Variants in CSMD1 observed in about 807,000 individuals in gnomAD.
CSMD1 encodes CUB and Sushi multiple domains 1.
Under a neutral mutation model 417.5 loss-of-function variants are expected in CSMD1, and 213 were observed. The observed-to-expected ratio is 0.51, with a 90% confidence interval of 0.46 to 0.57. The LOEUF is 0.57. Ranked by LOEUF, CSMD1 falls within the 20% of genes least tolerant of loss-of-function variation. The probability of loss-of-function intolerance (pLI) is 0.00; values close to 1 mark genes in which losing one functional copy is unlikely to be tolerated. For missense variants in CSMD1, 6,923 were observed against 4,529.7 expected (o/e 1.53, Z -15.17); for synonymous variants, 2,862 against 1,736.8 (o/e 1.65, Z -16.11).
At chr8:4,853,708 G>A (rs1055395013) in intron 1 of CSMD1, among the ~76,000 whole-genome samples, 26 of 152,134 alleles carry the variant, frequency 1.7e-4, no homozygotes, top group Non-Finnish European at 3.1e-4. Context: ...CTGAGGAATG[G>A]TAGATCTAAC....
chr8:3,190,493 G>A (rs35370137), intron 33 of CSMD1, among the ~76,000 whole-genome samples: 25,325 of 152,144 alleles, frequency 0.17, 2,257 homozygotes, highest in Middle Eastern at 0.22. Flanking sequence ...GTGATAATGA[G>A]ATGACTAACC....
At chr8:3,945,413 G>A (rs1019135499) in intron 5 of CSMD1, among the ~76,000 whole-genome samples, 2 of 151,898 alleles carry the variant, frequency 1.3e-5, no homozygotes, top group African/African-American at 4.8e-5. Flanking sequence ...CTTTTTTGGG[G>A]GGGCATATTA....
intron 5 of CSMD1, among the ~76,000 whole-genome samples, chr8:3,873,892 G>C (rs1805644206): frequency 6.6e-6 from 1 of 152,106 alleles, no homozygotes; most frequent in Non-Finnish European, 1.5e-5. Context: ...GGCTGAACTG[G>C]GGGAGGTCAC....
At chr8:3,193,244 G>A (rs896447481) in intron 33 of CSMD1, among the ~76,000 whole-genome samples, 1 of 152,178 alleles carries the variant, frequency 6.6e-6, no homozygotes, top group Non-Finnish European at 1.5e-5. Flanking sequence ...TTGTACACAA[G>A]TCACTATTAA....
At chr8:3,366,177 G>A (rs989014641) in intron 20 of CSMD1, among the ~76,000 whole-genome samples, 2 of 152,192 alleles carry the variant, frequency 1.3e-5, no homozygotes, top group African/African-American at 2.4e-5. Context: ...ATGCACAAAT[G>A]CAAGTTAATA....
chr8:3,191,439 G>T (rs770070356), intron 33 of CSMD1, among the ~76,000 whole-genome samples: 21 of 152,122 alleles, frequency 1.4e-4, no homozygotes, highest in Admixed American at 1.4e-3. Flanking sequence ...CTGGGTGAAA[G>T]ATTGAGAAAA....
Position 4,774,449 on chromosome 8 carries a change from C to A in CSMD1, c.86-136891G>T, listed in dbSNP as rs565167658. The stretch of plus-strand genomic sequence containing the variant: ...ATTAATTATGGTAGTAAGTATACTC[C>A]TCTAACAATGCCATTTAGAGTAATA... On this transcript the variant is annotated intron_variant, in intron 1 of 69. Transcript: ENST00000635120. 2.0e-4 allele frequency among the ~76,000 whole-genome samples: 31 copies of A among 152,228 alleles called. No homozygotes were observed. The South Asian group carries it at 6.4e-3, about 32-fold the overall frequency.
intron 3 of CSMD1, among the ~76,000 whole-genome samples, chr8:4,321,006 A>G (rs1328749619): frequency 6.6e-6 from 1 of 152,066 alleles, no homozygotes; most frequent in Non-Finnish European, 1.5e-5. Flanking sequence ...TTCTCTGTAA[A>G]TTATTTATTT....
chr8:3,000,897 C>T (rs1020957147), intron 52 of CSMD1, among the ~76,000 whole-genome samples: 2 of 152,108 alleles, frequency 1.3e-5, no homozygotes, highest in African/African-American at 4.8e-5. Flanking sequence ...AAACAATTGA[C>T]AAACATGGCA....
chr8:4,020,477 G>C (rs942748310), intron 4 of CSMD1, among the ~76,000 whole-genome samples: 15 of 152,156 alleles, frequency 9.9e-5, no homozygotes, highest in African/African-American at 3.1e-4. Flanking sequence ...GTGACCGCTA[G>C]GGTCAGGCTG....
intron 3 of CSMD1, among the ~76,000 whole-genome samples, chr8:4,196,631 G>T (rs529836414): frequency 6.6e-6 from 1 of 151,982 alleles, no homozygotes; most frequent in African/African-American, 2.4e-5. Context: ...AGCAATGCTG[G>T]GTCCAGTCCT....
At chr8:4,110,158 C>G (rs1397344142) in intron 3 of CSMD1, among the ~76,000 whole-genome samples, 1 of 152,072 alleles carries the variant, frequency 6.6e-6, no homozygotes, top group Non-Finnish European at 1.5e-5. Context: ...ATATGCAAAT[C>G]TGCCATTTCA....
intron 26 of CSMD1, among the ~76,000 whole-genome samples, chr8:3,271,417 G>T (rs1239272768): frequency 1.3e-5 from 2 of 151,770 alleles, no homozygotes; most frequent in Non-Finnish European, 2.9e-5. Flanking sequence ...ATAGCAGCAT[G>T]ATTTATATTC....
At chr8:3,824,599 T>C (rs1397798014) in intron 5 of CSMD1, among the ~76,000 whole-genome samples, 1 of 152,200 alleles carries the variant, frequency 6.6e-6, no homozygotes, top group African/African-American at 2.4e-5. Flanking sequence ...AGGAAAAACA[T>C]ACGGTAAGAT....
At chr8:4,862,982 G>A (rs936695680) in intron 1 of CSMD1, among the ~76,000 whole-genome samples, 2 of 151,960 alleles carry the variant, frequency 1.3e-5, no homozygotes, top group African/African-American at 4.8e-5. Flanking sequence ...GCCCAAGAGG[G>A]AACCAGCAAA....
At chr8:4,710,912 T>C (rs7011651) in intron 1 of CSMD1, among the ~76,000 whole-genome samples, 2,051 of 151,638 alleles carry the variant, frequency 0.014, 43 homozygotes, top group African/African-American at 0.046. Flanking sequence ...AACTAGAAAA[T>C]GGCCTGAGTC....
At position 3,425,299 on chromosome 8, in the gene CSMD1, C is replaced by T. The variant is rs559938526; in HGVS notation, c.1562-15694G>A. ...GGGAAACTCCTGTATGTTGAAAATG[C>T]CCTGTCCCAGCTGGGCAAGGTGGCT... On this transcript the variant is annotated intron_variant, in intron 12 of 69. Transcript: ENST00000635120. Among the ~76,000 whole-genome samples the T allele has an allele frequency of 7.9e-5, 12 of 152,214 alleles. No individual in the cohort carries two copies. The South Asian group carries it at 2.3e-3, about 29-fold the overall frequency.
At chr8:3,388,655 C>T (rs1435648996) in intron 17 of CSMD1, among the ~76,000 whole-genome samples, 13 of 152,130 alleles carry the variant, frequency 8.5e-5, no homozygotes, top group Admixed American at 8.5e-4. Flanking sequence ...GGGCCTGGCC[C>T]CAATACTTTT....
At chr8:3,497,850 G>T (rs1302276896) in intron 10 of CSMD1, among the ~76,000 whole-genome samples, 3 of 152,092 alleles carry the variant, frequency 2.0e-5, no homozygotes, top group South Asian at 2.1e-4. Context: ...GTAGTGATAT[G>T]GTTTTACTTC....
Sources: gnomAD v4.1 joint callset for allele counts (sites outside exome capture counted in the v4.1 genomes callset) on GRCh38, gnomAD v4.1.1 for gene constraint, MANE v1.5 for transcripts, NCBI Gene and HGNC (gene_info 2026-07-23, HGNC 2026-07-21) for gene names.